JAK2: variants seen among roughly 807,000 people sequenced by gnomAD.
JAK2 encodes the protein Janus kinase 2.
JAK2 carries 86 observed loss-of-function variants against 139.3 expected under a neutral mutation model. That is an observed-to-expected ratio of 0.62 (90% CI 0.52 to 0.74). The LOEUF (loss-of-function observed/expected upper bound fraction) is 0.74, where lower values mean the gene tolerates loss of function less well. Ranked by LOEUF, JAK2 falls within the 30% of genes least tolerant of loss-of-function variation. The probability of loss-of-function intolerance (pLI) is 0.00; values close to 1 mark genes in which losing one functional copy is unlikely to be tolerated. For synonymous variants in JAK2, 490 were observed against 437.7 expected, an observed-to-expected ratio of 1.12 and a Z score of -1.49; for missense variants, 1,421 against 1,360.3, an observed-to-expected ratio of 1.04 and a Z score of -0.70.
chr9:5,095,920 A>C (rs1259883735), intron 22 of JAK2, among the ~76,000 whole-genome samples: 4 of 152,212 alleles, frequency 2.6e-5, no homozygotes, highest in Admixed American at 6.5e-5. Context: ...ACTGTCTCAC[A>C]CTTGAAACAA....
At chr9:4,999,883 C>G (rs944102553) in intron 2 of JAK2, among the ~76,000 whole-genome samples, 1 of 152,196 alleles carries the variant, frequency 6.6e-6, no homozygotes, top group Non-Finnish European at 1.5e-5. Flanking sequence ...TGCTACTACT[C>G]CTGTCCTTTT....
At chr9:5,078,677 C>G (rs796729305) in intron 16 of JAK2, among the ~76,000 whole-genome samples, 6 of 152,184 alleles carry the variant, frequency 3.9e-5, no homozygotes, top group African/African-American at 1.4e-4. Flanking sequence ...GTTTTAATCT[C>G]TAATTATGTA....
In JAK2 at chr9:5,126,451, C is replaced by A; in HGVS notation, c.3291+5C>A. 1 of 1,576,904 alleles carries A rather than the reference C, an allele frequency of 6.3e-7. No individual in the cohort carries two copies. The highest frequency in any genetic ancestry group is 8.7e-7 in the Non-Finnish European group (1 of 1,152,132). Reference sequence around the variant, plus strand: ...CCAGATGGATGCCCAGATGAGGTAACAATTTTTTTTTAATCCAGGGTAGTC... The same window carrying A: ...CCAGATGGATGCCCAGATGAGGTAAAAATTTTTTTTTAATCCAGGGTAGTC... On this transcript the variant is annotated splice_donor_5th_base_variant and intron_variant, in intron 24 of 24. Coordinates refer to ENST00000381652, the MANE Select transcript of JAK2 (RefSeq NM_004972.4).
intron 5 of JAK2, among the ~76,000 whole-genome samples, chr9:5,045,352 A>G (rs1443308240): frequency 6.6e-6 from 1 of 152,210 alleles, no homozygotes; most frequent in East Asian, 1.9e-4. Flanking sequence ...TGAACAACAA[A>G]AGGAAAAACA....
At chr9:5,049,238 C>T (rs533686645) in intron 5 of JAK2, among the ~76,000 whole-genome samples, 2 of 152,208 alleles carry the variant, frequency 1.3e-5, no homozygotes, top group South Asian at 2.1e-4. Flanking sequence ...ACTACTCTGC[C>T]AATGGAAGAG....
At chr9:5,034,129 C>A (rs1264953230) in intron 4 of JAK2, among the ~76,000 whole-genome samples, 1 of 152,006 alleles carries the variant, frequency 6.6e-6, no homozygotes, top group Non-Finnish European at 1.5e-5. Flanking sequence ...CAACAAAGAT[C>A]AAAAGAAACA....
chr9:5,080,714 C>CAATAA, intron 18 of JAK2, 31 bp downstream of exon 18: 1 of 1,457,740 alleles, frequency 6.9e-7, no homozygotes, highest in East Asian at 2.4e-5. Context: ...ATTGATTTTC[C>CAATAA]AGCTTTCTAT....
chr9:5,012,667 A>G (rs1302429130), intron 2 of JAK2, among the ~76,000 whole-genome samples: 1 of 152,220 alleles, frequency 6.6e-6, no homozygotes, highest in Non-Finnish European at 1.5e-5. Context: ...TAAGATTTGT[A>G]TCTCAGGATT....
intron 4 of JAK2, among the ~76,000 whole-genome samples, chr9:5,030,888 GA>G (rs1388562475): frequency 1.3e-5 from 2 of 151,812 alleles, no homozygotes; most frequent in Admixed American, 1.3e-4. Flanking sequence ...GACAATTGGT[GA>G]AAAAAATAAA....
At chr9:5,033,099 G>A (rs1264997851) in intron 4 of JAK2, among the ~76,000 whole-genome samples, 1 of 152,192 alleles carries the variant, frequency 6.6e-6, no homozygotes, top group Non-Finnish European at 1.5e-5. Context: ...CGTGATGAAT[G>A]CACAAGCCTC....
At chr9:5,035,113 G>C (rs1036259047) in intron 4 of JAK2, among the ~76,000 whole-genome samples, 14 of 152,080 alleles carry the variant, frequency 9.2e-5, no homozygotes, top group African/African-American at 3.1e-4. Flanking sequence ...ACCTCTACAT[G>C]AATAAACTAG....
At chr9:5,117,812 G>C (rs771505389) in intron 22 of JAK2, among the ~76,000 whole-genome samples, 9 of 152,110 alleles carry the variant, frequency 5.9e-5, no homozygotes, top group Admixed American at 3.3e-4. Flanking sequence ...CAAAAGCTTT[G>C]AGAACTACTG....
At chr9:5,038,487 C>T (rs1816236310) in intron 4 of JAK2, among the ~76,000 whole-genome samples, 1 of 151,854 alleles carries the variant, frequency 6.6e-6, no homozygotes, top group African/African-American at 2.4e-5. Context: ...AACTACAGAC[C>T]AATGTTGTAG....
chr9:5,000,260 G>A (rs1238750495), intron 2 of JAK2, among the ~76,000 whole-genome samples: 5 of 152,034 alleles, frequency 3.3e-5, no homozygotes, highest in Non-Finnish European at 7.4e-5. Context: ...TAGAAAGGAG[G>A]TACATAATGT....
chr9:4,986,217 C>G (rs879789631), intron 2 of JAK2, among the ~76,000 whole-genome samples, 195 bp downstream of exon 2: 2 of 152,148 alleles, frequency 1.3e-5, no homozygotes, highest in Non-Finnish European at 2.9e-5. Flanking sequence ...CGTCTTGGAT[C>G]CTTTAAGAAA....
chr9:5,010,657 G>T (rs1457268116), intron 2 of JAK2, among the ~76,000 whole-genome samples: 1 of 152,110 alleles, frequency 6.6e-6, no homozygotes, highest in Non-Finnish European at 1.5e-5. Context: ...AATGGAAGAA[G>T]AATAATATTA....
chr9:5,018,286 C>G (rs77214222), intron 2 of JAK2, among the ~76,000 whole-genome samples: 2 of 152,024 alleles, frequency 1.3e-5, no homozygotes, highest in Non-Finnish European at 2.9e-5. Flanking sequence ...TTGATACTTT[C>G]GTCATCTGTT....
intron 22 of JAK2, among the ~76,000 whole-genome samples, chr9:5,092,374 T>C (rs1276623946): frequency 6.6e-6 from 1 of 152,164 alleles, no homozygotes; most frequent in African/African-American, 2.4e-5. Context: ...AGTCGTAATA[T>C]GGTAAGTGTA....
intron 2 of JAK2, among the ~76,000 whole-genome samples, chr9:4,993,553 T>G (rs1425620313): frequency 6.6e-6 from 1 of 152,220 alleles, no homozygotes; most frequent in African/African-American, 2.4e-5. Flanking sequence ...CATGTTAATG[T>G]AGGTGACAGT....
Sources: gnomAD v4.1 joint callset for allele counts (sites outside exome capture counted in the v4.1 genomes callset) on GRCh38, gnomAD v4.1.1 for gene constraint, MANE v1.5 for transcripts, NCBI Gene and HGNC (gene_info 2026-07-23, HGNC 2026-07-21) for gene names.